The following RABGAP1 variants were observed in gnomAD, a reference collection of about 807,000 sequenced individuals.
RABGAP1 encodes the protein rab GTPase-activating protein 1.
RABGAP1 carries 23 observed loss-of-function variants against 137.6 expected under a neutral mutation model. The ratio of observed to expected loss-of-function variants is 0.17; its 90% confidence interval spans 0.12 to 0.24. The LOEUF (loss-of-function observed/expected upper bound fraction) is 0.24. Ranked by LOEUF, RABGAP1 falls within the 10% of genes least tolerant of loss-of-function variation. The pLI is 1.00. For synonymous variants in RABGAP1, 451 were observed against 450.7 expected, an observed-to-expected ratio of 1.00 and a Z score of -0.01; for missense variants, 906 against 1,275.8, an observed-to-expected ratio of 0.71 and a Z score of 4.42.
chr9:122,933,689 A>G, the RABGAP1 span, among the ~76,000 whole-genome samples: 2 of 151,544 alleles, frequency 1.3e-5, no homozygotes, highest in East Asian at 2.0e-4. Flanking sequence ...TGCAGTGGCA[A>G]TCTCGGCTCA....
chr9:122,937,516 G>C (rs1833404262), upstream of RABGAP1: 1 of 152,276 alleles, frequency 6.6e-6, no homozygotes, highest in Admixed American at 6.5e-5. Context: ...AGAATTGCTT[G>C]AACCTGGGAG....
rs560003542 is a variant in RABGAP1, at chr9:123,057,618, A to T, written c.1795-7730A>T. Among the ~76,000 whole-genome samples the T allele has an allele frequency of 2.7e-4, 37 of 137,820 alleles. No homozygotes were observed. The East Asian group carries it at 8.7e-3, about 32-fold the overall frequency. The allele number at this position is 137,820 out of a possible 152,430, so 90.4% of individuals were successfully genotyped here. On this transcript the variant is annotated intron_variant, in intron 13 of 25. Transcript: ENST00000373647. The stretch of plus-strand genomic sequence containing the variant: ...CTCACATCCCAGACGATGGGCGGCC[A>T]GGCAGAGACGCTCCTCACTTCCCAG...
chr9:123,034,630 T>G, intron 13 of RABGAP1: 1 of 1,613,976 alleles, frequency 6.2e-7, no homozygotes, highest in Non-Finnish European at 8.5e-7. Flanking sequence ...ATTTGGCTAT[T>G]TGGAAACTGT....
chr9:122,994,321 A>G (rs1214882113), intron 6 of RABGAP1, among the ~76,000 whole-genome samples: 1 of 152,170 alleles, frequency 6.6e-6, no homozygotes. Flanking sequence ...TTGTTGTTTT[A>G]AACTGCTAAA....
At chr9:123,071,781 T>C (rs989175561) in intron 15 of RABGAP1, among the ~76,000 whole-genome samples, 4 of 152,164 alleles carry the variant, frequency 2.6e-5, no homozygotes, top group South Asian at 2.1e-4. Context: ...ATGAAAATAA[T>C]AGATCTATTT....
At chr9:122,956,191 C>T (rs1459483185) in intron 1 of RABGAP1, among the ~76,000 whole-genome samples, 1 of 152,122 alleles carries the variant, frequency 6.6e-6, no homozygotes, top group Admixed American at 6.5e-5. Context: ...TGAACTTCTC[C>T]TTTCTTGCTT....
chr9:122,954,621 A>G (rs985637766), intron 1 of RABGAP1, among the ~76,000 whole-genome samples: 3 of 152,166 alleles, frequency 2.0e-5, no homozygotes, highest in Non-Finnish European at 2.9e-5. Flanking sequence ...CTGGCATCCA[A>G]CTGGTAATCA....
intron 13 of RABGAP1, among the ~76,000 whole-genome samples, chr9:123,061,161 C>A (rs1034678762): frequency 6.6e-6 from 1 of 152,156 alleles, no homozygotes; most frequent in East Asian, 1.9e-4. Context: ...TCTTACTGCC[C>A]AGGCTGGAGC....
intron 2 of RABGAP1, among the ~76,000 whole-genome samples, chr9:122,968,143 T>C (rs1001153459): frequency 6.6e-6 from 1 of 152,004 alleles, no homozygotes; most frequent in African/African-American, 2.4e-5. Flanking sequence ...GTGCAATGAG[T>C]AAAATTACAT....
At chr9:122,961,148 A>C (rs1352081884) in intron 2 of RABGAP1, among the ~76,000 whole-genome samples, 1 of 152,188 alleles carries the variant, frequency 6.6e-6, no homozygotes, top group Non-Finnish European at 1.5e-5. Context: ...TTATTTAAAA[A>C]CAATAATTTA....
rs752131352 is a variant in RABGAP1, at chr9:123,089,784, C to T, written c.2451C>T (p.Tyr817=). The change falls in exon 20 of 26, where the codon TAC becomes TAT. Residue 817 remains tyrosine, a synonymous_variant. Transcript: ENST00000373647. ...MKISQKKLKK[Y]EKEYHTMREQ... Reference sequence around the variant, plus strand: ...TTAGTCAGAAGAAGTTGAAAAAATACGAGAAAGAATATCACACCATGAGGG... The same window carrying T: ...TTAGTCAGAAGAAGTTGAAAAAATATGAGAAAGAATATCACACCATGAGGG... The T allele has an allele frequency of 8.1e-6, 13 of 1,613,400 alleles. No homozygotes were observed. The South Asian group carries it at 9.9e-5, about 12-fold the overall frequency.
chr9:122,941,446 T>A (rs1242585622), intron 1 of RABGAP1, among the ~76,000 whole-genome samples: 2 of 152,252 alleles, frequency 1.3e-5, no homozygotes, highest in African/African-American at 4.8e-5. Flanking sequence ...TAATGTTTTA[T>A]GCTTGGTCCT....
At chr9:122,947,080 A>G (rs1483168638) in intron 1 of RABGAP1, among the ~76,000 whole-genome samples, 1 of 152,120 alleles carries the variant, frequency 6.6e-6, no homozygotes, top group Admixed American at 6.6e-5. Context: ...CCCCCTAAAG[A>G]CCCTATAAAG....
chr9:122,995,667 C>T (rs1031148278), intron 6 of RABGAP1, among the ~76,000 whole-genome samples: 1 of 144,146 alleles, frequency 6.9e-6, no homozygotes, highest in Admixed American at 7.4e-5. Flanking sequence ...CTCCCTGGTT[C>T]AAGCGATTCT....
In RABGAP1 at chr9:123,051,304, A is replaced by G. The variant is rs372094731; in HGVS notation, c.1795-14044A>G. On this transcript the variant is annotated intron_variant, in intron 13 of 25. Coordinates refer to ENST00000373647, the MANE Select transcript of RABGAP1 (RefSeq NM_012197.4). ...CTCTTACTGCCCAGGCTGGAGTGCAATGGCGCGATCTTGGCCCACTGCAAC... is the reference window on the plus strand; with the variant it reads ...CTCTTACTGCCCAGGCTGGAGTGCAGTGGCGCGATCTTGGCCCACTGCAAC... Among the ~76,000 whole-genome samples, 5 of 123,516 alleles carry G rather than the reference A, an allele frequency of 4.0e-5. No individual in the cohort carries two copies. The East Asian group carries it at 7.8e-4, about 19-fold the overall frequency. 81.0% of individuals were successfully genotyped at this position (123,516 alleles called of 152,430 possible).
At chr9:122,949,141 T>A (rs904944358) in intron 1 of RABGAP1, among the ~76,000 whole-genome samples, 1 of 151,984 alleles carries the variant, frequency 6.6e-6, no homozygotes, top group Non-Finnish European at 1.5e-5. Flanking sequence ...TTGGGGAGGC[T>A]GAGGCAGGTG....
Position 123,010,402 on chromosome 9 carries a change from G to A in RABGAP1, c.1423G>A (p.Val475Ile). 2 of 1,613,616 alleles carry A rather than the reference G, an allele frequency of 1.2e-6. No individual in the cohort carries two copies. The highest frequency in any genetic ancestry group is 2.2e-5 in the East Asian group (1 of 44,872). ...KNNTDTLYEV[V>I]CLESESERER... Reference sequence around the variant, plus strand: ...TAATACTGACACTTTATATGAAGTTGTATGCTTGGAAAGTGAATCAGAAAG... The same window carrying A: ...TAATACTGACACTTTATATGAAGTTATATGCTTGGAAAGTGAATCAGAAAG... The change falls in exon 11 of 26, where the codon GTA becomes ATA. Residue 475 changes from valine to isoleucine, a missense_variant. Coordinates refer to ENST00000373647, the MANE Select transcript of RABGAP1 (RefSeq NM_012197.4).
In RABGAP1 at chr9:123,103,144, G is replaced by C; in HGVS notation, c.3141G>C (p.Lys1047Asn). 3 of 1,614,184 alleles carry C rather than the reference G, an allele frequency of 1.9e-6. No individual in the cohort carries two copies. The highest frequency in any genetic ancestry group is 2.5e-6 in the Non-Finnish European group (3 of 1,180,020). The change falls in exon 26 of 26, where the codon AAG becomes AAC. Residue 1047 changes from lysine to asparagine, a missense_variant. Physicochemically the swap from Lys to Asn is moderately conservative, Grantham distance 94. Transcript: ENST00000373647. Reference sequence around the variant, plus strand: ...TCAATGAGGTGCAGGCAGCCAAGAAGACGTGGTTTAACCGAACACTGAGCT... The same window carrying C: ...TCAATGAGGTGCAGGCAGCCAAGAACACGTGGTTTAACCGAACACTGAGCT... ...LALNEVQAAK[K>N]TWFNRTLSSI...
At chr9:123,096,337 GA>G (rs2035182698) in intron 21 of RABGAP1, among the ~76,000 whole-genome samples, 1 of 151,862 alleles carries the variant, frequency 6.6e-6, no homozygotes, top group Admixed American at 6.6e-5. Flanking sequence ...TAAACAGATG[GA>G]AAAAGATGTA....
Sources: allele counts gnomAD v4.1 joint callset (sites outside exome capture counted in the v4.1 genomes callset), GRCh38; gene constraint gnomAD v4.1.1; transcripts MANE v1.5; gene names NCBI Gene and HGNC (gene_info 2026-07-23, HGNC 2026-07-21).